Variants in CEP131 observed in about 807,000 individuals in gnomAD.
The protein encoded by CEP131 is centrosomal protein 131, also known as centrosomal protein of 131 kDa.
In CEP131, 99 loss-of-function variants were observed where a neutral mutation model predicts 136.8. The ratio of observed to expected loss-of-function variants is 0.72; its 90% CI spans 0.62 to 0.86. The LOEUF (loss-of-function observed/expected upper bound fraction) is 0.86. Among genes scored for constraint, CEP131 ranks in the 40% least tolerant of loss-of-function variants. The pLI is 0.00. For synonymous variants in CEP131, 646 were observed against 612.7 expected, an observed-to-expected ratio of 1.05 and a Z score of -0.80; for missense variants, 1,459 against 1,463.0, an observed-to-expected ratio of 1.00 and a Z score of 0.04.
rs2061862236 is a variant in CEP131, at chr17:81,200,322, C to T, written c.906+7G>A. On this transcript the variant is annotated splice_region_variant and intron_variant, in intron 8 of 25. Coordinates refer to ENST00000450824, the MANE Select transcript of CEP131 (RefSeq NM_014984.4). ...GAGCATGGAGTGACTGAGACGCCCACACTGACCTCCCGCTTGGCCTGAAGC... is the reference window on the plus strand; with the variant it reads ...GAGCATGGAGTGACTGAGACGCCCATACTGACCTCCCGCTTGGCCTGAAGC... 2.5e-6 allele frequency: 4 copies of T among 1,600,856 alleles called. No homozygotes were observed. In the East Asian group the frequency reaches 9.0e-5, roughly 36 times the overall value.
chr17:81,195,730 C>G, intron 16 of CEP131, 105 bp downstream of exon 16: 1 of 1,000,440 alleles, frequency 1.0e-6, no homozygotes, highest in Non-Finnish European at 1.5e-6. Context: ...CACACCGAGA[C>G]AGGAATGAGG....
chr17:81,212,764 CA>C (rs972772799), intron 2 of CEP131, among the ~76,000 whole-genome samples: 1 of 151,996 alleles, frequency 6.6e-6, no homozygotes, highest in Non-Finnish European at 1.5e-5. Flanking sequence ...TTACAATCAG[CA>C]AGCGTCGGGG....
In CEP131 at chr17:81,215,923, A is replaced by T. The variant is rs2062235144; in HGVS notation, c.177+3957T>A. Among the ~76,000 whole-genome samples, 1 of 152,072 alleles carries T rather than the reference A, an allele frequency of 6.6e-6. No individual in the cohort carries two copies. Among genetic ancestry groups the T allele is most frequent in the South Asian group, 2.1e-4 (1 of 4,816 alleles). On this transcript the variant is annotated intron_variant, in intron 2 of 25. Coordinates refer to ENST00000450824, the MANE Select transcript of CEP131 (RefSeq NM_014984.4). The surrounding 1 kb of genome is among the most constrained non-coding windows in gnomAD (Gnocchi z 4.1). ...AACTATTGTCAGCTGCTACAAAACA[A>T]TGTAAGGAAAGCGGGAGCAGGGTCA...
intron 8 of CEP131, 33 bp from the exon 9 acceptor site, chr17:81,199,868 C>T (rs1250483248): frequency 6.2e-7 from 1 of 1,602,644 alleles, no homozygotes; most frequent in Non-Finnish European, 8.5e-7. Context: ...GTGGCGTTTA[C>T]ATCTGGAAGA....
chr17:81,203,607 C>G lies in CEP131; in HGVS notation c.516G>C (p.Arg172Ser). Reference protein sequence around the residue: ...ALAPNFTANNRSNKGAVGNCV... With the variant: ...ALAPNFTANNSSNKGAVGNCV... The stretch of plus-strand genomic sequence containing the variant: ...AGTTGCCCACTGCTCCCTTGTTGCT[C>G]CTGCCAGGCCGGAAGAGAGACAGGA... Residue 172 changes from arginine to serine, a missense_variant and splice_region_variant, in exon 6 of 26, where the codon AGG becomes AGC. By Grantham distance (110) the Arg-to-Ser change is moderately radical. This residue lies in a region of CEP131 where 246 missense variants were observed against 318.9 expected (regional missense o/e 0.77). Coordinates refer to ENST00000450824, the MANE Select transcript of CEP131 (RefSeq NM_014984.4). The surrounding 1 kb of genome is among the most constrained non-coding windows in gnomAD (Gnocchi z 4.6). 6.3e-7 allele frequency: 1 copy of G among 1,587,114 alleles called. No individual in the cohort carries two copies. Among genetic ancestry groups the G allele is most frequent in the Non-Finnish European group, 8.6e-7 (1 of 1,167,122 alleles).
chr17:81,201,402 T>C (rs557174473), intron 7 of CEP131, among the ~76,000 whole-genome samples: 13 of 152,108 alleles, frequency 8.5e-5, no homozygotes, highest in African/African-American at 3.1e-4. Flanking sequence ...CACAGGAGGC[T>C]CCGCCCACAG....
chr17:81,221,410 A>G (rs2146778704), intron 1 of CEP131, among the ~76,000 whole-genome samples: 1 of 152,266 alleles, frequency 6.6e-6, no homozygotes, highest in East Asian at 1.9e-4. Context: ...CAGCTCGTGC[A>G]TGTGCCCCTG....
intron 7 of CEP131, 71 bp downstream of exon 7, chr17:81,202,169 C>T: frequency 1.3e-6 from 1 of 785,276 alleles, no homozygotes; most frequent in Non-Finnish European, 1.8e-6. Context: ...TGTGAGCCCC[C>T]CAGACCCTGA....
chr17:81,199,956 A>C lies in CEP131; in HGVS notation c.907-121T>G, dbSNP rs1017545881. ...GAGTTCGTGGAATCTCAGGGCCAGC[A>C]GGGAAAGTGAAACCCCACCAGGACC... On this transcript the variant is annotated intron_variant, in intron 8 of 25. Transcript: ENST00000450824. 5 of 991,810 alleles carry C rather than the reference A, an allele frequency of 5.0e-6. No individual in the cohort carries two copies. The African/African-American group carries it at 7.9e-5, about 16-fold the overall frequency. The allele number at this position is 991,810 out of a possible 1,614,324, so 61.4% of individuals were successfully genotyped here.
rs753576032 is a variant in CEP131, at chr17:81,209,003, C to G, written c.197G>C (p.Gly66Ala). 1.2e-6 allele frequency: 2 copies of G among 1,612,384 alleles called. No homozygotes were observed. The highest frequency in any genetic ancestry group is 8.5e-7 in the Non-Finnish European group (1 of 1,178,822). ...TCTAAGGTTGTTGATGGCCTGGGAG[C>G]CCCCAGGCCCTGTGGCCTCCTGCAA... ...RKVLEATGPG[G>A]SQAINNLRRS... Residue 66 changes from glycine to alanine, a missense_variant, in exon 3 of 26, where the codon GGC becomes GCC. Physicochemically the swap from Gly to Ala is moderately conservative, Grantham distance 60 (BLOSUM62 0). This residue lies in a region of CEP131 where 187 missense variants were observed against 179.9 expected (regional missense o/e 1.04). Coordinates refer to ENST00000450824, the MANE Select transcript of CEP131 (RefSeq NM_014984.4).
intron 2 of CEP131, among the ~76,000 whole-genome samples, chr17:81,211,103 A>G (rs1303278128): frequency 6.6e-6 from 1 of 152,238 alleles, no homozygotes; most frequent in Non-Finnish European, 1.5e-5. Flanking sequence ...CATACCTTCC[A>G]GACCAGGCTA....
rs143825240 is a variant in CEP131, at chr17:81,193,831, G to A, written c.2321+95C>T. ...CCCTGCATGCTGCACTAAGACCCTC[G>A]CCCACCTCTACATGGGAACTCCACT... On this transcript the variant is annotated intron_variant, in intron 18 of 25. Coordinates refer to ENST00000450824, the MANE Select transcript of CEP131 (RefSeq NM_014984.4). 711 of 1,362,368 alleles carry A rather than the reference G, an allele frequency of 5.2e-4. 9 individuals carry two copies. In the East Asian group the frequency reaches 0.016, roughly 30 times the overall value. The allele number at this position is 1,362,368 out of a possible 1,614,324, so 84.4% of individuals were successfully genotyped here.
intron 2 of CEP131, among the ~76,000 whole-genome samples, chr17:81,217,883 C>T (rs568873927): frequency 4.5e-4 from 69 of 152,220 alleles, no homozygotes; most frequent in Admixed American, 4.6e-4. Context: ...TGGTTAGGTG[C>T]CTGGGTCGGC....
chr17:81,199,260 G>C, intron 10 of CEP131, 121 bp downstream of exon 10: 1 of 1,226,382 alleles, frequency 8.2e-7, no homozygotes, highest in Non-Finnish European at 1.1e-6. Context: ...CTAACTCCGA[G>C]GACTGGGGCC....
rs979374177 is a variant in CEP131 at position 81,203,058 on chromosome 17, C to T, written c.629+436G>A. 2.0e-5 allele frequency among the ~76,000 whole-genome samples: 3 copies of T among 152,222 alleles called. No individual in the cohort carries two copies. Among genetic ancestry groups the T allele is most frequent in the Non-Finnish European group, 2.9e-5 (2 of 68,038 alleles). On this transcript the variant is annotated intron_variant, in intron 6 of 25. Coordinates refer to ENST00000450824, the MANE Select transcript of CEP131 (RefSeq NM_014984.4). The surrounding 1 kb of genome is among the most constrained non-coding windows in gnomAD (Gnocchi z 4.6). Reference sequence around the variant, plus strand: ...GAGCAACCCCAAGGCCATCCCCAATCCCCGCAAGACCATGTGGTGGTGGAC... The same window carrying T: ...GAGCAACCCCAAGGCCATCCCCAATTCCCGCAAGACCATGTGGTGGTGGAC...
intron 1 of CEP131, among the ~76,000 whole-genome samples, chr17:81,220,941 A>T (rs1324724362): frequency 6.6e-6 from 1 of 151,904 alleles, no homozygotes; most frequent in African/African-American, 2.4e-5. Flanking sequence ...TAAGCAACAC[A>T]GTGAAACCCC....
chr17:81,198,150 T>C lies in CEP131; in HGVS notation c.1435A>G (p.Thr479Ala), dbSNP rs1306782671. 2 of 1,575,124 alleles carry C rather than the reference T, an allele frequency of 1.3e-6. No individual in the cohort carries two copies. The highest frequency in any genetic ancestry group is 2.3e-5 in the East Asian group (1 of 42,672). ...KEPDVLPRPRTHHRGRYAWAS... is the reference protein window; with the variant it reads ...KEPDVLPRPRAHHRGRYAWAS... ...CAGGCGTATCTGCCCCTGTGATGGG[T>C]CCTGGGGCGGGGCAGCACGTCCGGC... is the stretch of plus-strand genomic sequence containing the variant. Residue 479 changes from threonine (T) to alanine (A), a missense_variant, in exon 12 of 26, where the codon ACC becomes GCC. Physicochemically the swap from Thr to Ala is moderately conservative, Grantham distance 58. Coordinates refer to ENST00000450824, the MANE Select transcript of CEP131 (RefSeq NM_014984.4).
chr17:81,189,884 AG>A, intron 25 of CEP131, 30 bp downstream of exon 25: 1 of 1,612,598 alleles, frequency 6.2e-7, no homozygotes, highest in Non-Finnish European at 8.5e-7. Context: ...CCCAGCCCCG[AG>A]GTCCAGCAGG....
chr17:81,196,590 T>C (rs2061759659), intron 15 of CEP131, 111 bp downstream of exon 15: 1 of 1,446,190 alleles, frequency 6.9e-7, no homozygotes, highest in Admixed American at 2.3e-5. Context: ...CGGACACCCG[T>C]GTGACACCCA....
Sources: allele counts gnomAD v4.1 joint callset (sites outside exome capture counted in the v4.1 genomes callset), GRCh38; gene constraint gnomAD v4.1.1; regional missense constraint gnomAD v4.1.1; non-coding constraint Gnocchi (gnomAD v3.1); transcripts MANE v1.5; gene names NCBI Gene and HGNC (gene_info 2026-07-23, HGNC 2026-07-21).